KIAA0825: variants seen among roughly 807,000 people sequenced by gnomAD.
The protein encoded by KIAA0825 is uncharacterized protein KIAA0825.
Under a neutral mutation model 147.6 loss-of-function variants are expected in KIAA0825, and 119 were observed. The ratio of observed to expected loss-of-function variants is 0.81; its 90% confidence interval spans 0.69 to 0.94. The LOEUF is 0.94. Among genes scored for constraint, KIAA0825 ranks in the 40% least tolerant of loss-of-function variants. The pLI, the probability that KIAA0825 is intolerant of heterozygous loss-of-function variation, is 0.00. For synonymous variants in KIAA0825, 470 were observed against 518.1 expected, an observed-to-expected ratio of 0.91 and a Z score of 1.26; for missense variants, 1,381 against 1,472.7, an observed-to-expected ratio of 0.94 and a Z score of 1.02.
At chr5:94,578,352 A>G (rs1584946748) in intron 2 of KIAA0825, among the ~76,000 whole-genome samples, 2 of 152,342 alleles carry the variant, frequency 1.3e-5, no homozygotes, top group African/African-American at 4.8e-5. Flanking sequence ...ATAGAATTAT[A>G]TAATTTTCCT....
rs1040743585 is a variant in KIAA0825, at chr5:94,220,887, T to C, written c.3711-66763A>G. 3.9e-5 allele frequency among the ~76,000 whole-genome samples: 6 copies of C among 152,298 alleles called. No homozygotes were observed. In the South Asian group the frequency reaches 1.2e-3, roughly 32 times the overall value. On this transcript the variant is annotated intron_variant, in intron 20 of 20. Coordinates refer to ENST00000682413, the MANE Select transcript of KIAA0825 (RefSeq NM_001145678.3). Reference sequence around the variant, plus strand: ...TATTTTATTATGGGACTGAAAACTATTAATATTAACCTATTTTAACCATCA... The same window carrying C: ...TATTTTATTATGGGACTGAAAACTACTAATATTAACCTATTTTAACCATCA...
At chr5:94,369,091 G>A (rs1055613987) in intron 20 of KIAA0825, among the ~76,000 whole-genome samples, 2 of 152,120 alleles carry the variant, frequency 1.3e-5, no homozygotes, top group Admixed American at 1.3e-4. Flanking sequence ...CTGGGGCATT[G>A]AGGCTGGAGT....
chr5:94,588,956 C>T (rs1451871077), intron 1 of KIAA0825, among the ~76,000 whole-genome samples: 6 of 151,992 alleles, frequency 3.9e-5, no homozygotes, highest in African/African-American at 1.2e-4. Context: ...CACTCATAAA[C>T]GGGAGTTGAA....
intron 20 of KIAA0825, among the ~76,000 whole-genome samples, chr5:94,366,868 T>C (rs1463583853): frequency 1.3e-5 from 2 of 152,204 alleles, no homozygotes; most frequent in African/African-American, 4.8e-5. Context: ...ACTTGATGCG[T>C]CCACCTTACT....
chr5:94,292,111 C>T (rs1199121740), intron 20 of KIAA0825, among the ~76,000 whole-genome samples: 2 of 152,142 alleles, frequency 1.3e-5, no homozygotes, highest in East Asian at 1.9e-4. Context: ...CTTTCTATTG[C>T]CTGATTGCCC....
chr5:94,256,057 G>A (rs1299514623), intron 20 of KIAA0825, among the ~76,000 whole-genome samples: 2 of 151,906 alleles, frequency 1.3e-5, no homozygotes, highest in African/African-American at 4.8e-5. Flanking sequence ...GTAAAGCTTT[G>A]TTCCCTTCAG....
chr5:94,271,251 A>T (rs76461943), intron 20 of KIAA0825, among the ~76,000 whole-genome samples: 1,631 of 152,202 alleles, frequency 0.011, 28 homozygotes, highest in African/African-American at 0.038. Flanking sequence ...TCAACCAAAG[A>T]AAAAATGGAC....
intron 20 of KIAA0825, among the ~76,000 whole-genome samples, chr5:94,162,938 A>T (rs1767711211): frequency 6.6e-6 from 1 of 152,232 alleles, no homozygotes. Flanking sequence ...AGTATTGAGT[A>T]GTAGCTGATA....
At chr5:94,552,737 G>A (rs1417145559) in intron 2 of KIAA0825, among the ~76,000 whole-genome samples, 11 of 152,178 alleles carry the variant, frequency 7.2e-5, no homozygotes, top group Non-Finnish European at 1.0e-4. Flanking sequence ...GAGTCTGGAG[G>A]ATACCATGTT....
chr5:94,188,666 G>T (rs749066392), intron 20 of KIAA0825, among the ~76,000 whole-genome samples: 1 of 151,940 alleles, frequency 6.6e-6, no homozygotes, highest in Non-Finnish European at 1.5e-5. Context: ...TTGTTTATTC[G>T]TTCAACAGTT....
rs191570962 is a variant in KIAA0825 at position 94,246,203 on chromosome 5, A to T, written c.3711-92079T>A. ...GTGAGCTACCTTTTCTTCTTCTGGC[A>T]GGAAGAGGCAAAGCAAAATATTTTC... On this transcript the variant is annotated intron_variant, in intron 20 of 20. Coordinates refer to ENST00000682413, the MANE Select transcript of KIAA0825 (RefSeq NM_001145678.3). 3.3e-5 allele frequency among the ~76,000 whole-genome samples: 5 copies of T among 152,280 alleles called. No individual in the cohort carries two copies. In the East Asian group the frequency reaches 5.8e-4, roughly 18 times the overall value.
At chr5:94,287,909 G>A (rs1777726913) in intron 20 of KIAA0825, among the ~76,000 whole-genome samples, 1 of 152,120 alleles carries the variant, frequency 6.6e-6, no homozygotes. Flanking sequence ...CATCCTTGAG[G>A]TGTTCTTGCT....
chr5:94,595,748 C>T (rs1785193032), intron 1 of KIAA0825, among the ~76,000 whole-genome samples: 1 of 152,180 alleles, frequency 6.6e-6, no homozygotes, highest in African/African-American at 2.4e-5. Context: ...TCCAAACCAT[C>T]TTTCTGTGAC....
At chr5:94,283,006 C>A (rs1384803645) in intron 20 of KIAA0825, among the ~76,000 whole-genome samples, 10 of 151,966 alleles carry the variant, frequency 6.6e-5, no homozygotes, top group Non-Finnish European at 1.0e-4. Flanking sequence ...TAAAACGATT[C>A]TCAGCAAAGC....
At chr5:94,329,017 A>G (rs1394253776) in intron 20 of KIAA0825, among the ~76,000 whole-genome samples, 1 of 152,114 alleles carries the variant, frequency 6.6e-6, no homozygotes, top group Non-Finnish European at 1.5e-5. Context: ...GGGAAATACT[A>G]TGCAACTTCC....
intron 20 of KIAA0825, among the ~76,000 whole-genome samples, chr5:94,355,019 G>A (rs979836876): frequency 6.6e-5 from 10 of 152,184 alleles, no homozygotes; most frequent in African/African-American, 2.2e-4. Context: ...GGGACAATTC[G>A]AAGGGGGGCA....
At chr5:94,608,682 T>C (rs1307233691) in intron 1 of KIAA0825, among the ~76,000 whole-genome samples, 1 of 148,326 alleles carries the variant, frequency 6.7e-6, no homozygotes, top group African/African-American at 2.5e-5. Context: ...ACTACATATT[T>C]TCTCAAAATT....
chr5:94,335,613 T>C (rs536657599), intron 20 of KIAA0825, among the ~76,000 whole-genome samples: 3 of 152,252 alleles, frequency 2.0e-5, no homozygotes, highest in East Asian at 3.9e-4. Flanking sequence ...CAAATTATAC[T>C]ACTTACACAT....
At chr5:94,342,448 A>T (rs1782523574) in intron 20 of KIAA0825, among the ~76,000 whole-genome samples, 2 of 152,216 alleles carry the variant, frequency 1.3e-5, no homozygotes, top group African/African-American at 4.8e-5. Context: ...GGAAGTCAGT[A>T]TCAAAATATC....
Sources: allele counts gnomAD v4.1 joint callset (sites outside exome capture counted in the v4.1 genomes callset), GRCh38; gene constraint gnomAD v4.1.1; transcripts MANE v1.5; gene names NCBI Gene and HGNC (gene_info 2026-07-23, HGNC 2026-07-21).